The following FGGY variants were observed in gnomAD, a reference collection of about 807,000 sequenced individuals.
FGGY encodes the protein FGGY carbohydrate kinase domain containing, also known as FGGY carbohydrate kinase domain-containing protein.
FGGY carries 72 observed loss-of-function variants against 71.3 expected under a neutral mutation model. The observed-to-expected ratio is 1.01, with a 90% CI of 0.84 to 1.23. The LOEUF is 1.23. Ranked by LOEUF, FGGY falls within the 50% of genes most tolerant of loss-of-function variation. The pLI is 0.00. For missense variants in FGGY, 668 were observed against 682.3 expected, an observed-to-expected ratio of 0.98 and a Z score of 0.23; for synonymous variants, 251 against 250.3, an observed-to-expected ratio of 1.00 and a Z score of -0.02.
chr1:59,329,141 A>G (rs547874724), intron 2 of FGGY, among the ~76,000 whole-genome samples: 95 of 152,318 alleles, frequency 6.2e-4, no homozygotes, highest in African/African-American at 2.3e-3. Context: ...AAGCACAATG[A>G]TACCAGATAT....
chr1:59,729,723 G>A (rs1324876768), intron 14 of FGGY, among the ~76,000 whole-genome samples: 1 of 152,148 alleles, frequency 6.6e-6, no homozygotes, highest in African/African-American at 2.4e-5. Context: ...GGAAGGAAAA[G>A]CATTCTATAA....
chr1:59,423,577 A>T (rs932577134), intron 5 of FGGY, among the ~76,000 whole-genome samples: 95 of 152,184 alleles, frequency 6.2e-4, no homozygotes, highest in African/African-American at 2.3e-3. Context: ...ATCCTCTTTC[A>T]AATAAAGGTC....
chr1:59,715,303 CTG>C (rs1339090665), intron 14 of FGGY, among the ~76,000 whole-genome samples: 1 of 152,182 alleles, frequency 6.6e-6, no homozygotes, highest in Non-Finnish European at 1.5e-5. Flanking sequence ...AAGGCTAAGA[CTG>C]TGAGTACCCT....
At chr1:59,434,172 CA>C (rs2067949709) in intron 5 of FGGY, among the ~76,000 whole-genome samples, 2 of 152,218 alleles carry the variant, frequency 1.3e-5, no homozygotes. Context: ...TCTACAGTAT[CA>C]TTGTTCATGG....
At chr1:59,489,673 A>G (rs2093765657) in intron 6 of FGGY, among the ~76,000 whole-genome samples, 1 of 152,204 alleles carries the variant, frequency 6.6e-6, no homozygotes, top group Admixed American at 6.5e-5. Flanking sequence ...GTGCTGCAGT[A>G]AATGGGAGTA....
chr1:59,298,887 T>A (rs1183025289), intron 1 of FGGY, among the ~76,000 whole-genome samples: 1 of 152,232 alleles, frequency 6.6e-6, no homozygotes, highest in Non-Finnish European at 1.5e-5. Context: ...CTTCATGTAT[T>A]CATTTGTTCA....
chr1:59,661,793 C>T (rs1165732058), intron 12 of FGGY, among the ~76,000 whole-genome samples: 1 of 151,606 alleles, frequency 6.6e-6, no homozygotes, highest in Non-Finnish European at 1.5e-5. Flanking sequence ...GATCTTGGCT[C>T]ACTGCAAGCT....
intron 4 of FGGY, among the ~76,000 whole-genome samples, chr1:59,370,880 C>T (rs539339770): frequency 6.6e-5 from 10 of 152,102 alleles, no homozygotes; most frequent in South Asian, 2.1e-4. Flanking sequence ...ACCACCAGGT[C>T]GGACCTAAAA....
chr1:59,692,823 A>G (rs1032065522), intron 14 of FGGY, among the ~76,000 whole-genome samples: 1 of 152,180 alleles, frequency 6.6e-6, no homozygotes, highest in South Asian at 2.1e-4. Context: ...TGCCAAGCTG[A>G]TGCTGTAAAC....
intron 5 of FGGY, among the ~76,000 whole-genome samples, chr1:59,409,117 TC>T (rs1054399824): frequency 1.1e-4 from 16 of 152,326 alleles, no homozygotes; most frequent in Admixed American, 8.5e-4. Context: ...GACATTTATA[TC>T]TATGCTTTAG....
In FGGY at chr1:59,588,896, A is replaced by G. The variant is rs150395261; in HGVS notation, c.904-18907A>G. ...ACTGCATCAACTAACGAGCAATATA[A>G]CCAGCTAACATCAAAATGACAGGAT... On this transcript the variant is annotated intron_variant, in intron 8 of 15. Transcript: ENST00000303721. Among the ~76,000 whole-genome samples, 1,481 of 152,274 alleles carry G rather than the reference A, an allele frequency of 9.7e-3. 25 individuals are homozygous for G. Among genetic ancestry groups the G allele is most frequent in the African/African-American group, 0.034 (1,426 of 41,550 alleles).
intron 7 of FGGY, among the ~76,000 whole-genome samples, chr1:59,538,004 C>A (rs1386543669): frequency 5.9e-5 from 9 of 152,122 alleles, no homozygotes; most frequent in South Asian, 2.1e-4. Context: ...AATGGGATCT[C>A]ATTAAACTAA....
At chr1:59,571,173 C>T (rs2095979147) in intron 8 of FGGY, among the ~76,000 whole-genome samples, 1 of 152,092 alleles carries the variant, frequency 6.6e-6, no homozygotes, top group South Asian at 2.1e-4. Flanking sequence ...TACTATTACA[C>T]TGGGAAATAA....
intron 5 of FGGY, among the ~76,000 whole-genome samples, chr1:59,409,540 T>C (rs1262728533): frequency 6.6e-6 from 1 of 151,564 alleles, no homozygotes; most frequent in African/African-American, 2.4e-5. Flanking sequence ...CCAGCACTAC[T>C]GAAAGGACTT....
At chr1:59,644,913 G>A (rs971795351) in intron 11 of FGGY, among the ~76,000 whole-genome samples, 2 of 151,718 alleles carry the variant, frequency 1.3e-5, no homozygotes, top group East Asian at 3.9e-4. Context: ...GGAGGCAGAG[G>A]TTGCCGTGGG....
intron 7 of FGGY, among the ~76,000 whole-genome samples, chr1:59,550,566 G>C (rs954498592): frequency 1.3e-5 from 2 of 152,114 alleles, no homozygotes; most frequent in Admixed American, 6.5e-5. Flanking sequence ...TTGTATTTTA[G>C]GAGAAGCACT....
chr1:59,372,938 C>T (rs1015893201), intron 4 of FGGY, among the ~76,000 whole-genome samples: 2 of 152,116 alleles, frequency 1.3e-5, no homozygotes, highest in African/African-American at 4.8e-5. Flanking sequence ...CTATGACAAA[C>T]CCACAGCTAA....
chr1:59,457,569 G>A (rs375347184), intron 6 of FGGY, among the ~76,000 whole-genome samples: 20 of 152,060 alleles, frequency 1.3e-4, no homozygotes, highest in African/African-American at 2.7e-4. Context: ...AGCTGAGATC[G>A]TGCCACTGCA....
rs2063666541 is a variant in FGGY, at chr1:59,411,935, T to A, written c.554+33098T>A. Among the ~76,000 whole-genome samples the A allele has an allele frequency of 2.6e-5, 4 of 152,312 alleles. No individual in the cohort carries two copies. The South Asian group carries it at 8.3e-4, about 32-fold the overall frequency. On this transcript the variant is annotated intron_variant, in intron 5 of 15. Coordinates refer to ENST00000303721, the MANE Select transcript of FGGY (RefSeq NM_018291.5). ...GCTGTTCTGCATCCATTCCTCTCAG[T>A]CACTCCTTCATGCACTATAATATGA...
Sources: allele counts gnomAD v4.1 joint callset (sites outside exome capture counted in the v4.1 genomes callset), GRCh38; gene constraint gnomAD v4.1.1; transcripts MANE v1.5; gene names NCBI Gene and HGNC (gene_info 2026-07-23, HGNC 2026-07-21).